Variants in SPOP observed in about 807,000 individuals in gnomAD.
SPOP encodes speckle type BTB/POZ protein, also known as speckle-type POZ protein.
Under a neutral mutation model 45.6 loss-of-function variants are expected in SPOP, and 11 were observed. The ratio of observed to expected loss-of-function variants is 0.24; its 90% CI spans 0.15 to 0.40. The LOEUF (loss-of-function observed/expected upper bound fraction) is 0.40, where lower values mean the gene tolerates loss of function less well. Ranked by LOEUF, SPOP falls within the 10% of genes least tolerant of loss-of-function variation. The pLI, the probability that SPOP is intolerant of heterozygous loss-of-function variation, is 1.00. For missense variants in SPOP, 152 were observed against 465.6 expected, an observed-to-expected ratio of 0.33 and a Z score of 6.20; for synonymous variants, 166 against 166.3, an observed-to-expected ratio of 1.00 and a Z score of 0.01.
intron 5 of SPOP, among the ~76,000 whole-genome samples, chr17:49,613,685 T>C (rs1488446268): frequency 6.6e-6 from 1 of 152,228 alleles, no homozygotes; most frequent in African/African-American, 2.4e-5. Flanking sequence ...GATATATAGA[T>C]GCCTGGAGTC....
intron 1 of SPOP, among the ~76,000 whole-genome samples, chr17:49,657,116 C>T (rs1050360683): frequency 2.6e-5 from 4 of 151,344 alleles, no homozygotes; most frequent in Non-Finnish European, 5.9e-5. Flanking sequence ...ACCTGGGAGG[C>T]GGAGCTTGCA....
At chr17:49,623,030 T>G (rs920929597) in intron 1 of SPOP, among the ~76,000 whole-genome samples, 154 bp from the exon 2 acceptor site, 1 of 151,698 alleles carries the variant, frequency 6.6e-6, no homozygotes, top group Non-Finnish European at 1.5e-5. Flanking sequence ...TTTTTCCTGA[T>G]AGTTTCGCTC....
rs147483016 is a variant in SPOP at position 49,658,452 on chromosome 17, C to G, written c.-67+19481G>C. Among the ~76,000 whole-genome samples, 867 of 152,308 alleles carry G rather than the reference C, an allele frequency of 5.7e-3. 34 individuals are homozygous for G. The highest frequency in any genetic ancestry group is 0.053 in the Admixed American group (805 of 15,292). ...TGGAGTGCATTACTCCCTTTTACTA[C>G]TAACACCACCAATAAAGAGCCACAT... On this transcript the variant is annotated intron_variant, in intron 1 of 9. Transcript: ENST00000504102.
chr17:49,666,486 CACA>C (rs761962730), intron 1 of SPOP, among the ~76,000 whole-genome samples: 1 of 151,022 alleles, frequency 6.6e-6, no homozygotes, highest in Non-Finnish European at 1.5e-5. Context: ...CACACACACA[CACA>C]CACACCCATA....
At chr17:49,631,568 G>A (rs573339312) in intron 1 of SPOP, among the ~76,000 whole-genome samples, 43 of 152,032 alleles carry the variant, frequency 2.8e-4, no homozygotes, top group Non-Finnish European at 4.9e-4. Flanking sequence ...CTTATACATC[G>A]AGACCCACAT....
chr17:49,656,343 A>T (rs1235127721), intron 1 of SPOP, among the ~76,000 whole-genome samples: 1 of 152,224 alleles, frequency 6.6e-6, no homozygotes, highest in East Asian at 1.9e-4. Context: ...AGAGACTTCA[A>T]TGTATCCAGT....
At chr17:49,649,356 G>A (rs1309624303) in intron 1 of SPOP, among the ~76,000 whole-genome samples, 1 of 151,508 alleles carries the variant, frequency 6.6e-6, no homozygotes, top group Non-Finnish European at 1.5e-5. Flanking sequence ...GGCCGCCATG[G>A]TGAAACCCCG....
chr17:49,608,803 G>T lies in SPOP; in HGVS notation c.659-874C>A, dbSNP rs74781614. On this transcript the variant is annotated intron_variant, in intron 6 of 9. Coordinates refer to ENST00000504102, the MANE Select transcript of SPOP (RefSeq NM_001007228.2). ...ATCCAACGATTACCTAAGAGTGAAA[G>T]AATGGACAAAATATATAGTAGAAAG... Among the ~76,000 whole-genome samples the T allele has an allele frequency of 6.2e-3, 944 of 152,260 alleles. 12 individuals are homozygous for T. Among genetic ancestry groups the T allele is most frequent in the African/African-American group, 0.022 (905 of 41,546 alleles).
chr17:49,652,718 C>T (rs375484721), intron 1 of SPOP, among the ~76,000 whole-genome samples: 5 of 152,296 alleles, frequency 3.3e-5, no homozygotes, highest in African/African-American at 9.6e-5. Flanking sequence ...CAATTTTAAA[C>T]ATCTAGAATA....
At chr17:49,674,998 G>A (rs1407031301) in intron 1 of SPOP, among the ~76,000 whole-genome samples, 1 of 152,178 alleles carries the variant, frequency 6.6e-6, no homozygotes, top group Non-Finnish European at 1.5e-5. Context: ...CTGCACAAAT[G>A]ATCAAAAATT....
intron 1 of SPOP, among the ~76,000 whole-genome samples, chr17:49,657,993 G>A (rs370565666): frequency 1.3e-4 from 20 of 152,088 alleles, no homozygotes; most frequent in South Asian, 8.3e-4. Context: ...GAGCCACTTC[G>A]CCTGGCCATC....
chr17:49,665,445 T>C (rs2073041535), intron 1 of SPOP, among the ~76,000 whole-genome samples: 1 of 151,680 alleles, frequency 6.6e-6, no homozygotes, highest in South Asian at 2.1e-4. Context: ...AAACCCCGTC[T>C]CTACTAAAAA....
At chr17:49,637,411 A>G (rs750946863) in intron 1 of SPOP, among the ~76,000 whole-genome samples, 2 of 151,862 alleles carry the variant, frequency 1.3e-5, no homozygotes, top group Non-Finnish European at 2.9e-5. Flanking sequence ...AGTGCAGTGG[A>G]GCGATCTCAG....
intron 1 of SPOP, among the ~76,000 whole-genome samples, chr17:49,643,954 T>C (rs1312178895): frequency 6.8e-6 from 1 of 146,366 alleles, no homozygotes. Flanking sequence ...AAAAAGAAAG[T>C]ATTCTAGGAG....
intron 1 of SPOP, among the ~76,000 whole-genome samples, chr17:49,666,478 CACACACA>C (rs1271611574): frequency 2.0e-5 from 3 of 151,532 alleles, no homozygotes; most frequent in African/African-American, 7.3e-5. Flanking sequence ...CACACACACA[CACACACA>C]CACACACACC....
At chr17:49,655,841 G>A (rs919887765) in intron 1 of SPOP, among the ~76,000 whole-genome samples, 4 of 151,948 alleles carry the variant, frequency 2.6e-5, no homozygotes, top group Non-Finnish European at 4.4e-5. Context: ...ACAGAGTTTC[G>A]CTCTTGTTGC....
chr17:49,669,003 C>T (rs1419901540), intron 1 of SPOP, among the ~76,000 whole-genome samples: 2 of 151,876 alleles, frequency 1.3e-5, no homozygotes, highest in East Asian at 3.9e-4. Flanking sequence ...GTATCGATCT[C>T]CTGACCTCGT....
At position 49,622,035 on chromosome 17, in the gene SPOP, G is replaced by C. The variant is rs1172367957; in HGVS notation, c.111C>G (p.Thr37=). The change falls in exon 3 of 10, where the codon ACC becomes ACG. Residue 37 remains threonine, a synonymous_variant. Transcript: ENST00000504102. ...CCCGGCAAAAGCTAAAGTTATTGATGGTCCACATGTAGGAGAATTTCACTA... is the reference window on the plus strand; with the variant it reads ...CCCGGCAAAAGCTAAAGTTATTGATCGTCCACATGTAGGAGAATTTCACTA... ...IKVVKFSYMW[T]INNFSFCREE... 3.1e-6 allele frequency: 5 copies of C among 1,613,880 alleles called. No individual in the cohort carries two copies. The highest frequency in any genetic ancestry group is 3.4e-6 in the Non-Finnish European group (4 of 1,179,840).
chr17:49,641,472 T>C (rs571621261), intron 1 of SPOP, among the ~76,000 whole-genome samples: 7 of 151,540 alleles, frequency 4.6e-5, no homozygotes, highest in Admixed American at 6.6e-5. Context: ...GTCTGGCACA[T>C]GGAAGGCTAC....
Sources: allele counts gnomAD v4.1 joint callset (sites outside exome capture counted in the v4.1 genomes callset), GRCh38; gene constraint gnomAD v4.1.1; transcripts MANE v1.5; gene names NCBI Gene and HGNC (gene_info 2026-07-23, HGNC 2026-07-21).